The following MARCHF1 variants were observed in gnomAD, a reference collection of about 807,000 sequenced individuals.
MARCHF1 encodes the protein membrane associated ring-CH-type finger 1, also known as E3 ubiquitin-protein ligase MARCHF1.
In MARCHF1, 40 loss-of-function variants were observed where a neutral mutation model predicts 54.2. The ratio of observed to expected loss-of-function variants is 0.74; its 90% CI spans 0.57 to 0.96. MARCHF1 has a LOEUF of 0.96. MARCHF1 is among the 40% of genes least tolerant of loss of function. The pLI is 0.00. For missense variants in MARCHF1, 586 were observed against 656.5 expected, an observed-to-expected ratio of 0.89 and a Z score of 1.17; for synonymous variants, 236 against 236.3, an observed-to-expected ratio of 1.00 and a Z score of 0.01.
chr4:163,637,042 T>G (rs991399096), intron 5 of MARCHF1, among the ~76,000 whole-genome samples: 33 of 151,442 alleles, frequency 2.2e-4, no homozygotes, highest in African/African-American at 6.3e-4. Context: ...TGGCTAGCCA[T>G]ATGTAGAAAG....
At chr4:163,881,695 T>G (rs1388830488) in intron 3 of MARCHF1, among the ~76,000 whole-genome samples, 4 of 131,876 alleles carry the variant, frequency 3.0e-5, no homozygotes, top group African/African-American at 1.0e-4. Flanking sequence ...AAGAAATATA[T>G]GGAATGTAGG....
In MARCHF1 at chr4:164,289,974, G is replaced by A. The variant is rs115238452; in HGVS notation, c.-323+93896C>T. Among the ~76,000 whole-genome samples, 919 of 151,804 alleles carry A rather than the reference G, an allele frequency of 6.1e-3. 7 individuals are homozygous for A. Among genetic ancestry groups the A allele is most frequent in the African/African-American group, 0.021 (853 of 41,436 alleles). ...TCTATGTCTTCATGTATTCCCCTAA[G>A]GCTTCTCCTACTTCACCTCCTTCTC... On this transcript the variant is annotated intron_variant, in intron 1 of 9. Transcript: ENST00000514618.
chr4:164,267,420 C>T (rs1733637535), intron 1 of MARCHF1, among the ~76,000 whole-genome samples: 1 of 152,112 alleles, frequency 6.6e-6, no homozygotes, highest in Non-Finnish European at 1.5e-5. Flanking sequence ...TTTCTTTTGC[C>T]CTCTCACTTG....
chr4:163,740,859 G>A (rs750658536), intron 4 of MARCHF1, among the ~76,000 whole-genome samples: 108 of 152,118 alleles, frequency 7.1e-4, no homozygotes, highest in Admixed American at 2.6e-4. Context: ...GATACATAGT[G>A]GCAACCACAG....
At chr4:164,095,111 C>T (rs781421190) in intron 2 of MARCHF1, among the ~76,000 whole-genome samples, 1 of 152,032 alleles carries the variant, frequency 6.6e-6, no homozygotes, top group Non-Finnish European at 1.5e-5. Flanking sequence ...ATAATACCTA[C>T]AGTTGTTAGA....
chr4:163,879,270 G>C (rs1285983063), intron 3 of MARCHF1, among the ~76,000 whole-genome samples: 3 of 152,124 alleles, frequency 2.0e-5, no homozygotes, highest in African/African-American at 7.2e-5. Context: ...GGGAATTCCT[G>C]GGTTTGAGGG....
chr4:163,546,675 C>A (rs933027676), intron 8 of MARCHF1, among the ~76,000 whole-genome samples: 1 of 152,166 alleles, frequency 6.6e-6, no homozygotes, highest in African/African-American at 2.4e-5. Context: ...TCTTTTAGAG[C>A]AACCTTTAGT....
At chr4:163,583,172 T>C (rs1356395859) in intron 8 of MARCHF1, among the ~76,000 whole-genome samples, 1 of 152,188 alleles carries the variant, frequency 6.6e-6, no homozygotes, top group Non-Finnish European at 1.5e-5. Context: ...CTGTGACGAA[T>C]TTGAAAGCAA....
intron 4 of MARCHF1, among the ~76,000 whole-genome samples, chr4:163,734,202 T>C (rs1397580050): frequency 6.6e-6 from 1 of 152,072 alleles, no homozygotes; most frequent in African/African-American, 2.4e-5. Flanking sequence ...TAGGGAGAAA[T>C]AGAAATCCTC....
At chr4:163,970,872 C>G (rs1394858607) in intron 3 of MARCHF1, among the ~76,000 whole-genome samples, 1 of 152,136 alleles carries the variant, frequency 6.6e-6, no homozygotes, top group Non-Finnish European at 1.5e-5. Context: ...ATAAATATTT[C>G]AAGCCTCTTC....
intron 1 of MARCHF1, among the ~76,000 whole-genome samples, chr4:164,314,038 T>G (rs1384110261): frequency 3.3e-5 from 5 of 152,236 alleles, no homozygotes; most frequent in African/African-American, 1.2e-4. Context: ...GATACTCTCC[T>G]GCTTAAAATC....
intron 8 of MARCHF1, among the ~76,000 whole-genome samples, chr4:163,562,113 A>G (rs570033060): frequency 2.0e-5 from 3 of 152,208 alleles, no homozygotes; most frequent in East Asian, 3.9e-4. Flanking sequence ...CCTGGCCAAC[A>G]TGGTGAAACC....
At chr4:164,368,020 T>G (rs968700133) in intron 1 of MARCHF1, among the ~76,000 whole-genome samples, 14 of 142,590 alleles carry the variant, frequency 9.8e-5, no homozygotes, top group Non-Finnish European at 2.0e-4. Context: ...GTTAATGAGC[T>G]AAGAATTCAA....
intron 4 of MARCHF1, among the ~76,000 whole-genome samples, chr4:163,701,148 T>G (rs1744799253): frequency 6.6e-6 from 1 of 152,184 alleles, no homozygotes. Context: ...CAGAAAAATT[T>G]TTGAAATTCT....
At chr4:164,350,454 A>T (rs1055360501) in intron 1 of MARCHF1, among the ~76,000 whole-genome samples, 2 of 152,214 alleles carry the variant, frequency 1.3e-5, no homozygotes, top group Non-Finnish European at 2.9e-5. Context: ...TAGGATGAAT[A>T]TATTTAATAA....
intron 2 of MARCHF1, among the ~76,000 whole-genome samples, chr4:164,093,400 A>G (rs748142537): frequency 5.0e-4 from 76 of 152,130 alleles, no homozygotes; most frequent in African/African-American, 1.2e-3. Context: ...AACCAATACT[A>G]TTGTTGTGTA....
intron 9 of MARCHF1, among the ~76,000 whole-genome samples, chr4:163,533,680 A>AATATATATATATATAT (rs35349951): frequency 1.4e-5 from 2 of 144,134 alleles, no homozygotes; most frequent in African/African-American, 5.1e-5. Flanking sequence ...TTTTATATAT[A>AATATATATATATATAT]ATATATATAT....
At chr4:164,363,044 A>T (rs1297921107) in intron 1 of MARCHF1, among the ~76,000 whole-genome samples, 1 of 152,134 alleles carries the variant, frequency 6.6e-6, no homozygotes. Context: ...AGGCTTATTA[A>T]CAATAAACCC....
intron 2 of MARCHF1, among the ~76,000 whole-genome samples, chr4:164,078,760 A>G (rs1284346132): frequency 2.0e-5 from 3 of 152,172 alleles, no homozygotes; most frequent in Admixed American, 1.3e-4. Flanking sequence ...TGTGTTTGAT[A>G]TATTTCCGAG....
Sources: allele counts gnomAD v4.1 joint callset (sites outside exome capture counted in the v4.1 genomes callset), GRCh38; gene constraint gnomAD v4.1.1; transcripts MANE v1.5; gene names NCBI Gene and HGNC (gene_info 2026-07-23, HGNC 2026-07-21).